LAPTM4B: variants seen among roughly 807,000 people sequenced by gnomAD.
LAPTM4B encodes the protein lysosomal-associated transmembrane protein 4B.
In LAPTM4B, 26 loss-of-function variants were observed where a neutral mutation model predicts 28.5. The ratio of observed to expected loss-of-function variants is 0.91; its 90% CI spans 0.67 to 1.27. The LOEUF (loss-of-function observed/expected upper bound fraction) is 1.27, where lower values mean the gene tolerates loss of function less well. LAPTM4B is among the 50% of genes most tolerant of loss of function. The pLI is 0.00. For missense variants in LAPTM4B, 288 were observed against 285.8 expected, an observed-to-expected ratio of 1.01 and a Z score of -0.06; for synonymous variants, 109 against 106.4, an observed-to-expected ratio of 1.02 and a Z score of -0.15.
At chr8:97,805,324 C>CTTTTTTT (rs386413439) in intron 1 of LAPTM4B, 29 bp from the exon 2 acceptor site, 104 of 843,534 alleles carry the variant, frequency 1.2e-4, no homozygotes, top group South Asian at 4.4e-4. Context: ...TACTTAAATT[C>CTTTTTTT]TTTTTTTTTT....
chr8:97,828,760 CG>C (rs1252840318), intron 6 of LAPTM4B, among the ~76,000 whole-genome samples: 4 of 152,090 alleles, frequency 2.6e-5, no homozygotes, highest in African/African-American at 9.7e-5. Flanking sequence ...GTAAGGCTAG[CG>C]GAGAAGTCAT....
chr8:97,792,921 G>A (rs771931208), intron 1 of LAPTM4B, among the ~76,000 whole-genome samples: 2 of 152,112 alleles, frequency 1.3e-5, no homozygotes, highest in Admixed American at 6.6e-5. Flanking sequence ...AAAATTGTTT[G>A]TGCTATAATT....
intron 1 of LAPTM4B, among the ~76,000 whole-genome samples, chr8:97,787,883 A>C (rs1816430905): frequency 6.6e-6 from 1 of 151,952 alleles, no homozygotes; most frequent in African/African-American, 2.4e-5. Context: ...CCCAGGCTGG[A>C]GAGCGCACTG....
intron 1 of LAPTM4B, among the ~76,000 whole-genome samples, chr8:97,800,334 C>T (rs998371223): frequency 6.6e-6 from 1 of 152,054 alleles, no homozygotes; most frequent in Non-Finnish European, 1.5e-5. Context: ...GAGCTTTTAA[C>T]ATGGTTCTTG....
chr8:97,805,379 T>G lies in LAPTM4B; in HGVS notation c.126T>G (p.Ile42Met). The G allele has an allele frequency of 6.2e-7, 1 of 1,607,852 alleles. No individual in the cohort carries two copies. Residue 42 changes from isoleucine (I) to methionine (M), a missense_variant, in exon 2 of 7, where the codon ATT (isoleucine) becomes ATG (methionine). Transcript: ENST00000521545. The stretch of plus-strand genomic sequence containing the variant: ...TCATCAATGCTGTGGTACTGTTGAT[T>G]TTATTGAGTGCCCTGGCTGATCCGG... Reference protein sequence around the residue: ...YLIINAVVLLILLSALADPDQ... With the variant: ...YLIINAVVLLMLLSALADPDQ...
At chr8:97,829,286 T>G (rs1586340347) in intron 6 of LAPTM4B, among the ~76,000 whole-genome samples, 1 of 152,194 alleles carries the variant, frequency 6.6e-6, no homozygotes, top group East Asian at 1.9e-4. Flanking sequence ...GAAGAAGGAC[T>G]TGGAGGGGAA....
chr8:97,816,063 C>CTAAA lies in LAPTM4B; in HGVS notation c.291_292insTAAA (p.Ala98Ter). 6.2e-7 allele frequency: 1 copy of CTAAA among 1,610,254 alleles called. No individual in the cohort carries two copies. The highest frequency in any genetic ancestry group is 1.1e-5 in the South Asian group (1 of 89,960). On this transcript the variant is annotated stop_gained and frameshift_variant, in exon 4 of 7. Transcript: ENST00000521545. LOFTEE classifies it high-confidence loss of function. ...CTATTTTCTGTTCTGTTTAGCAACG[C>CTAAA]GCAGCCTGGATCATCCCATTCTTCT...
chr8:97,817,658 C>T (rs1236225399), intron 4 of LAPTM4B, among the ~76,000 whole-genome samples: 2 of 151,924 alleles, frequency 1.3e-5, no homozygotes, highest in Non-Finnish European at 2.9e-5. Context: ...CCATCTTTTC[C>T]AGGCTGGTCT....
At chr8:97,804,589 G>T (rs1816732298) in intron 1 of LAPTM4B, among the ~76,000 whole-genome samples, 1 of 152,200 alleles carries the variant, frequency 6.6e-6, no homozygotes, top group Non-Finnish European at 1.5e-5. Flanking sequence ...ACTTCGTTAG[G>T]TTATTGCAGG....
intron 6 of LAPTM4B, among the ~76,000 whole-genome samples, chr8:97,848,716 A>C (rs1408486624): frequency 6.6e-6 from 1 of 152,244 alleles, no homozygotes; most frequent in Non-Finnish European, 1.5e-5. Flanking sequence ...AGATAAGTAT[A>C]TGAATCAGTT....
chr8:97,787,758 C>T (rs1402850429), intron 1 of LAPTM4B, among the ~76,000 whole-genome samples: 4 of 152,264 alleles, frequency 2.6e-5, no homozygotes, highest in African/African-American at 9.6e-5. Flanking sequence ...TAGAATTACC[C>T]GCATGTTTGC....
intron 1 of LAPTM4B, among the ~76,000 whole-genome samples, chr8:97,804,118 A>G (rs1479866815): frequency 6.6e-6 from 1 of 152,150 alleles, no homozygotes; most frequent in Admixed American, 6.5e-5. Flanking sequence ...AGTGATGCGC[A>G]CCTGTAGGCC....
At chr8:97,841,246 G>A (rs7833454) in intron 6 of LAPTM4B, among the ~76,000 whole-genome samples, 8,919 of 152,336 alleles carry the variant, frequency 0.059, 331 homozygotes, top group Middle Eastern at 0.13. Flanking sequence ...AGAATAAAAG[G>A]TACAGAGTTG....
At chr8:97,832,249 C>T (rs1280582071) in intron 6 of LAPTM4B, among the ~76,000 whole-genome samples, 1 of 152,184 alleles carries the variant, frequency 6.6e-6, no homozygotes, top group African/African-American at 2.4e-5. Flanking sequence ...AAAATAGCTA[C>T]ACTTTTCAAC....
intron 4 of LAPTM4B, among the ~76,000 whole-genome samples, chr8:97,817,273 A>AG (rs1816933363): frequency 6.6e-6 from 1 of 151,514 alleles, no homozygotes; most frequent in South Asian, 2.1e-4. Context: ...CTGGCACTAT[A>AG]GGCATGCACC....
intron 5 of LAPTM4B, among the ~76,000 whole-genome samples, chr8:97,820,028 C>T (rs1017987299): frequency 5.3e-5 from 8 of 152,064 alleles, no homozygotes; most frequent in Admixed American, 2.6e-4. Flanking sequence ...CCACTGTGCC[C>T]GGCTTCAAGA....
chr8:97,839,674 T>A (rs1448737009), intron 6 of LAPTM4B, among the ~76,000 whole-genome samples: 1 of 152,186 alleles, frequency 6.6e-6, no homozygotes, highest in African/African-American at 2.4e-5. Flanking sequence ...AGCAGTCAGA[T>A]CAACACATGG....
At chr8:97,782,189 C>T (rs1439084481) in intron 1 of LAPTM4B, among the ~76,000 whole-genome samples, 1 of 149,804 alleles carries the variant, frequency 6.7e-6, no homozygotes, top group Non-Finnish European at 1.5e-5. Context: ...CCATGTTGGT[C>T]AGGCTGGTCT....
At chr8:97,815,945 A>T in intron 3 of LAPTM4B, 113 bp from the exon 4 acceptor site, 1 of 1,022,908 alleles carries the variant, frequency 9.8e-7, no homozygotes, top group Non-Finnish European at 1.4e-6. Context: ...GACCTGGGTT[A>T]ATGAATTCCA....
Sources: gnomAD v4.1 joint callset for allele counts (sites outside exome capture counted in the v4.1 genomes callset) on GRCh38, gnomAD v4.1.1 for gene constraint, MANE v1.5 for transcripts, NCBI Gene and HGNC (gene_info 2026-07-23, HGNC 2026-07-21) for gene names.